POFUT2: variants seen among roughly 807,000 people sequenced by gnomAD.
The protein encoded by POFUT2 is GDP-fucose protein O-fucosyltransferase 2.
In POFUT2, 30 loss-of-function variants were observed where a neutral mutation model predicts 55.0. The observed-to-expected ratio is 0.55, with a 90% confidence interval of 0.41 to 0.74. The LOEUF is 0.74. Among genes scored for constraint, POFUT2 ranks in the 30% least tolerant of loss-of-function variants. POFUT2 has a pLI of 0.00. For missense variants in POFUT2, 524 were observed against 562.6 expected (o/e 0.93, Z 0.69); for synonymous variants, 267 against 231.1 (o/e 1.16, Z -1.41).
chr21:45,285,150 A>T lies in POFUT2; in HGVS notation c.382+528T>A, dbSNP rs943987221. 6.0e-6 allele frequency: 1 copy of T among 165,830 alleles called. No individual in the cohort carries two copies. Among genetic ancestry groups the T allele is most frequent in the Admixed American group, 6.0e-5 (1 of 16,764 alleles). 10.3% of individuals were successfully genotyped at this position (165,830 alleles called of 1,614,324 possible). The stretch of plus-strand genomic sequence containing the variant: ...CAGCAGCAAAGCATCACTTACCTTT[A>T]TCTCTTCCAAACAACGCAACACAAA... On this transcript the variant is annotated intron_variant, in intron 2 of 8. Transcript: ENST00000349485. The surrounding 1 kb of genome is among the most constrained non-coding windows in gnomAD (Gnocchi z 4.9).
chr21:45,287,756 G>T lies in POFUT2; in HGVS notation c.116C>A (p.Ala39Glu), dbSNP rs751974716. Reference protein sequence around the residue: ...GQSAADILSGAASRRRYLLYD... With the variant: ...GQSAADILSGEASRRRYLLYD... ...GCGCGTTTACCGTCTGCGGGAAGCC[G>T]CCCCCGACAGAATATCGGCCGCCGA... The change falls in exon 1 of 9, where the codon GCG (alanine) becomes GAG (glutamate). Residue 39 changes from alanine (A) to glutamate (E), a missense_variant. By Grantham distance (107) the Ala-to-Glu change is moderately radical. Transcript: ENST00000349485. 7.1e-7 allele frequency: 1 copy of T among 1,398,922 alleles called. No individual in the cohort carries two copies. The highest frequency in any genetic ancestry group is 2.4e-5 in the Admixed American group (1 of 41,054). 86.7% of individuals were successfully genotyped at this position (1,398,922 alleles called of 1,614,324 possible). A position where few individuals can be genotyped will look rare whatever the true frequency, so the allele number is the denominator to read the frequency against.
At chr21:45,278,008 G>A in intron 5 of POFUT2, 95 bp downstream of exon 5, 1 of 1,013,950 alleles carries the variant, frequency 9.9e-7, no homozygotes, top group East Asian at 2.4e-5. Context: ...AATCAGCAAG[G>A]TTCAAAAAGA....
rs1204891096 is a variant in POFUT2, at chr21:45,267,270, G to A, written c.1136+320C>T. The A allele has an allele frequency of 9.7e-6, 14 of 1,440,734 alleles. No homozygotes were observed. The highest frequency in any genetic ancestry group is 1.5e-5 in the South Asian group (1 of 67,214). The allele number at this position is 1,440,734 out of a possible 1,614,324, so 89.2% of individuals were successfully genotyped here. A position where few individuals can be genotyped will look rare whatever the true frequency, so the allele number is the denominator to read the frequency against. The stretch of plus-strand genomic sequence containing the variant: ...CAGGGCACGGGCAACTCTCAGGGCA[G>A]GGGGCAGACAGGGGCAGAAACCGGG... On this transcript the variant is annotated intron_variant, in intron 8 of 8. Coordinates refer to ENST00000349485, the MANE Select transcript of POFUT2 (RefSeq NM_133635.6). The surrounding 1 kb of genome is among the most constrained non-coding windows in gnomAD (Gnocchi z 4.4).
chr21:45,280,699 T>C (rs773975482), intron 4 of POFUT2, among the ~76,000 whole-genome samples: 4 of 146,638 alleles, frequency 2.7e-5, no homozygotes, highest in Non-Finnish European at 4.6e-5. Context: ...CTGAGTTTCG[T>C]CTCAATTGCA....
In POFUT2 at chr21:45,265,263, C is replaced by T; in HGVS notation, c.*219G>A. 2.4e-6 allele frequency: 1 copy of T among 412,402 alleles called. No homozygotes were observed. The highest frequency in any genetic ancestry group is 4.2e-5 in the Admixed American group (1 of 23,854). 25.5% of individuals were successfully genotyped at this position (412,402 alleles called of 1,614,324 possible). A position where few individuals can be genotyped will look rare whatever the true frequency, so the allele number is the denominator to read the frequency against. On this transcript the variant is annotated 3_prime_UTR_variant, in exon 9 of 9. Transcript: ENST00000349485. This position sits in a 1 kb window ranked among gnomAD's most constrained non-coding sequence, Gnocchi z 4.6. ...ACGCTGCCTGAAAACAACCGCCACC[C>T]CCGAGAGCAGCGGAGCCTCTTCATC...
intron 6 of POFUT2, among the ~76,000 whole-genome samples, chr21:45,273,214 G>C (rs979124562): frequency 6.6e-6 from 1 of 152,104 alleles, no homozygotes; most frequent in African/African-American, 2.4e-5. Flanking sequence ...TATTACAGTC[G>C]ATACCATAGA....
chr21:45,287,880 G>A lies in POFUT2; in HGVS notation c.-9C>T. 3 of 1,333,128 alleles carry A rather than the reference G, an allele frequency of 2.3e-6. No homozygotes were observed. The highest frequency in any genetic ancestry group is 1.9e-6 in the Non-Finnish European group (2 of 1,033,992). 82.6% of individuals were successfully genotyped at this position (1,333,128 alleles called of 1,614,324 possible). A position where few individuals can be genotyped will look rare whatever the true frequency, so the allele number is the denominator to read the frequency against. On this transcript the variant is annotated 5_prime_UTR_variant, in exon 1 of 9. Coordinates refer to ENST00000349485, the MANE Select transcript of POFUT2 (RefSeq NM_133635.6). ...AAGCTGAGTGTCGCCATGGCCCCGG[G>A]CGGCCACGCACTTCCGGCGGCCGCG...
In POFUT2 at chr21:45,265,893, C is replaced by T. The variant is rs544546350; in HGVS notation, c.1137-258G>A. On this transcript the variant is annotated intron_variant, in intron 8 of 8. Coordinates refer to ENST00000349485, the MANE Select transcript of POFUT2 (RefSeq NM_133635.6). The surrounding 1 kb of genome is among the most constrained non-coding windows in gnomAD (Gnocchi z 4.6). ...CACACCCCACAGTCAGCAGCCGCCA[C>T]GCTCCTGTCCCACCGCATGTCCCCC... 179 of 1,333,848 alleles carry T rather than the reference C, an allele frequency of 1.3e-4. No individual in the cohort carries two copies. The African/African-American group carries it at 2.2e-3, about 16-fold the overall frequency. 82.6% of individuals were successfully genotyped at this position (1,333,848 alleles called of 1,614,324 possible).
intron 4 of POFUT2, among the ~76,000 whole-genome samples, chr21:45,278,768 G>A (rs1053961211): frequency 6.6e-6 from 1 of 152,248 alleles, no homozygotes; most frequent in African/African-American, 2.4e-5. Context: ...TGAAGCACGT[G>A]AGGAACGTCC....
Position 45,278,619 on chromosome 21 carries a change from G to A in POFUT2, c.639-450C>T, listed in dbSNP as rs117292055. On this transcript the variant is annotated intron_variant, in intron 4 of 8. Coordinates refer to ENST00000349485, the MANE Select transcript of POFUT2 (RefSeq NM_133635.6). ...TCAAAGCCGGAGCTGCATCTGTTCC[G>A]TGGTAGAGACGCCATTCCTGGGCAG... Among the ~76,000 whole-genome samples, 76 of 152,346 alleles carry A rather than the reference G, an allele frequency of 5.0e-4. 1 individual carries two copies. In the East Asian group the frequency reaches 9.4e-3, roughly 19 times the overall value.
In POFUT2 at chr21:45,270,748, A is replaced by G. The variant is rs1255084237; in HGVS notation, c.832-729T>C. Reference sequence around the variant, plus strand: ...GGACTCTCCGCAGACATTCCCCAGCAGCATCCCAGGGCCTGGTAGCCCCAC... The same window carrying G: ...GGACTCTCCGCAGACATTCCCCAGCGGCATCCCAGGGCCTGGTAGCCCCAC... On this transcript the variant is annotated intron_variant, in intron 6 of 8. Coordinates refer to ENST00000349485, the MANE Select transcript of POFUT2 (RefSeq NM_133635.6). This position sits in a 1 kb window ranked among gnomAD's most constrained non-coding sequence, Gnocchi z 4.6. 6.6e-6 allele frequency among the ~76,000 whole-genome samples: 1 copy of G among 152,238 alleles called. No individual in the cohort carries two copies. The highest frequency in any genetic ancestry group is 1.5e-5 in the Non-Finnish European group (1 of 68,040).
In POFUT2 at chr21:45,285,046, C is replaced by T. The variant is rs1198544442; in HGVS notation, c.382+632G>A. On this transcript the variant is annotated intron_variant, in intron 2 of 8. Transcript: ENST00000349485. The surrounding 1 kb of genome is among the most constrained non-coding windows in gnomAD (Gnocchi z 4.9). ...GTCTCTAAGCCCCGAGAGTGGCTGTCGAGTAAGAACTCAACAGATGCTGGA... is the reference window on the plus strand; with the variant it reads ...GTCTCTAAGCCCCGAGAGTGGCTGTTGAGTAAGAACTCAACAGATGCTGGA... Among the ~76,000 whole-genome samples, 1 of 152,116 alleles carries T rather than the reference C, an allele frequency of 6.6e-6. No homozygotes were observed. Among genetic ancestry groups the T allele is most frequent in the Non-Finnish European group, 1.5e-5 (1 of 68,046 alleles).
In POFUT2 at chr21:45,265,443, C is replaced by T. The variant is rs751636139; in HGVS notation, c.*39G>A. 1.0e-5 allele frequency: 16 copies of T among 1,559,740 alleles called. No homozygotes were observed. The highest frequency in any genetic ancestry group is 3.5e-5 in the South Asian group (3 of 85,804). ...CGGCGACAGAACCTGCATCCACCCGCGCCTGTCGGGTCCGGGGAGCGGCCC... is the reference window on the plus strand; with the variant it reads ...CGGCGACAGAACCTGCATCCACCCGTGCCTGTCGGGTCCGGGGAGCGGCCC... On this transcript the variant is annotated 3_prime_UTR_variant, in exon 9 of 9. Coordinates refer to ENST00000349485, the MANE Select transcript of POFUT2 (RefSeq NM_133635.6). This position sits in a 1 kb window ranked among gnomAD's most constrained non-coding sequence, Gnocchi z 4.6.
At chr21:45,275,885 A>G (rs1464803990) in intron 6 of POFUT2, among the ~76,000 whole-genome samples, 1 of 66,828 alleles carries the variant, frequency 1.5e-5, no homozygotes, top group Non-Finnish European at 3.1e-5. Context: ...GATTAAGGCT[A>G]AAAAAAAAAA....
rs1357735132 is a variant in POFUT2, at chr21:45,277,038, C to T, written c.810G>A (p.Gln270=). The T allele has an allele frequency of 6.2e-7, 1 of 1,614,170 alleles. No individual in the cohort carries two copies. The highest frequency in any genetic ancestry group is 8.5e-7 in the Non-Finnish European group (1 of 1,180,002). Residue 270 remains glutamine, a synonymous_variant, in exon 6 of 9, where the codon CAG becomes CAA. Coordinates refer to ENST00000349485, the MANE Select transcript of POFUT2 (RefSeq NM_133635.6). The surrounding 1 kb of genome is among the most constrained non-coding windows in gnomAD (Gnocchi z 6.9). ...CTACCTTCATCTTCATCCAGTCCTC[C>T]TGGAAGGGGATCCTGTCTGCGTCGT... is the stretch of plus-strand genomic sequence containing the variant. ...STDDADRIPF[Q]EDWMKMKVKL... is the part of the protein sequence containing the mutation.
At chr21:45,283,282 G>C (rs1325608327) in intron 3 of POFUT2, 101 bp downstream of exon 3, 2 of 514,782 alleles carry the variant, frequency 3.9e-6, no homozygotes, top group Non-Finnish European at 3.4e-6. Context: ...CGGTGGTGGG[G>C]AGGAGTGGGC....
rs116899166 is a variant in POFUT2 at position 45,285,979 on chromosome 21, C to T, written c.132-51G>A. On this transcript the variant is annotated intron_variant, in intron 1 of 8. Coordinates refer to ENST00000349485, the MANE Select transcript of POFUT2 (RefSeq NM_133635.6). This position sits in a 1 kb window ranked among gnomAD's most constrained non-coding sequence, Gnocchi z 4.9. ...GGTCTCAAATGCTGAGGTTTCTGCA[C>T]GGAAAACCCGACTGCTCACAAGTCT... 27 of 1,529,920 alleles carry T rather than the reference C, an allele frequency of 1.8e-5. No homozygotes were observed. The highest frequency in any genetic ancestry group is 1.6e-4 in the East Asian group (7 of 44,140). The allele number at this position is 1,529,920 out of a possible 1,614,324, so 94.8% of individuals were successfully genotyped here.
chr21:45,287,787 C>T lies in POFUT2; in HGVS notation c.85G>A (p.Gly29Arg), dbSNP rs778594805. 7.4e-6 allele frequency: 11 copies of T among 1,491,036 alleles called. No individual in the cohort carries two copies. The highest frequency in any genetic ancestry group is 2.1e-5 in the Admixed American group (1 of 46,838). The allele number at this position is 1,491,036 out of a possible 1,614,324, so 92.4% of individuals were successfully genotyped here. A position where few individuals can be genotyped will look rare whatever the true frequency, so the allele number is the denominator to read the frequency against. The change falls in exon 1 of 9, where the codon GGA becomes AGA. Residue 29 changes from glycine to arginine, a missense_variant. Gly to Arg is a moderately radical substitution (Grantham distance 125, BLOSUM62 -2). Transcript: ENST00000349485. ...GACAGAATATCGGCCGCCGATTGTC[C>T]GGGCCAGAACTCCTGGCCGGAGGCA... is the stretch of plus-strand genomic sequence containing the variant. ...ASASGQEFWP[G>R]QSAADILSGA...
Position 45,265,537 on chromosome 21 carries a change from C to T in POFUT2, c.1235G>A (p.Cys412Tyr). 6.2e-7 allele frequency: 1 copy of T among 1,614,162 alleles called. No homozygotes were observed. Among genetic ancestry groups the T allele is most frequent in the Non-Finnish European group, 8.5e-7 (1 of 1,180,004 alleles). ...CTCACACGCCTTCTCTTGGTCTCCGCAGAACCTGTTGTACGTCGTCTTGGG... is the reference window on the plus strand; with the variant it reads ...CTCACACGCCTTCTCTTGGTCTCCGTAGAACCTGTTGTACGTCGTCTTGGG... ...LDPKTTYNRF[C>Y]GDQEKACEQP... Residue 412 changes from cysteine to tyrosine, a missense_variant, in exon 9 of 9, where the codon TGC becomes TAC. Cys to Tyr is a radical substitution (Grantham distance 194, BLOSUM62 -2). Transcript: ENST00000349485. This position sits in a 1 kb window ranked among gnomAD's most constrained non-coding sequence, Gnocchi z 4.6.
Sources: gnomAD v4.1 joint callset for allele counts (sites outside exome capture counted in the v4.1 genomes callset) on GRCh38, gnomAD v4.1.1 for gene constraint, Gnocchi (gnomAD v3.1) non-coding constraint, MANE v1.5 for transcripts, NCBI Gene and HGNC (gene_info 2026-07-23, HGNC 2026-07-21) for gene names.